AGMO: variants seen among roughly 807,000 people sequenced by gnomAD.
AGMO encodes glyceryl-ether monooxygenase.
AGMO carries 75 observed loss-of-function variants against 60.2 expected under a neutral mutation model. That is an observed-to-expected ratio of 1.25 (90% CI 1.03 to 1.51). The LOEUF is 1.51. Ranked by LOEUF, AGMO falls within the 40% of genes most tolerant of loss-of-function variation. The pLI, the probability that AGMO is intolerant of heterozygous loss-of-function variation, is 0.00. For synonymous variants in AGMO, 261 were observed against 177.1 expected (o/e 1.47, Z -3.76); for missense variants, 763 against 525.5 (o/e 1.45, Z -4.42).
the AGMO span, among the ~76,000 whole-genome samples, chr7:15,142,522 C>A: frequency 7.9e-5 from 12 of 152,282 alleles, no homozygotes; most frequent in African/African-American, 2.6e-4. Context: ...TTCTTCTAAA[C>A]TTTACCTTTG....
intron 12 of AGMO, among the ~76,000 whole-genome samples, chr7:15,272,106 T>C (rs933918919): frequency 2.0e-5 from 3 of 152,042 alleles, no homozygotes; most frequent in East Asian, 1.9e-4. Context: ...TTTTTGCATA[T>C]ATGTTTATCA....
At chr7:15,535,606 G>A (rs574261567) in intron 3 of AGMO, among the ~76,000 whole-genome samples, 106 of 151,710 alleles carry the variant, frequency 7.0e-4, no homozygotes, top group Admixed American at 1.2e-3. Context: ...TTCTTCCCTC[G>A]TTAGGATGTA....
At chr7:15,490,071 C>G (rs1019568355) in intron 3 of AGMO, among the ~76,000 whole-genome samples, 1 of 152,112 alleles carries the variant, frequency 6.6e-6, no homozygotes, top group African/African-American at 2.4e-5. Flanking sequence ...GATATTATAA[C>G]AAAATCTTGG....
intron 4 of AGMO, among the ~76,000 whole-genome samples, chr7:15,421,305 C>T (rs1255767959): frequency 1.3e-5 from 2 of 152,020 alleles, no homozygotes; most frequent in East Asian, 3.9e-4. Context: ...ATCAGCGAGT[C>T]TTCGGTATGT....
At chr7:15,220,438 C>T (rs938521132) in intron 12 of AGMO, among the ~76,000 whole-genome samples, 10 of 151,398 alleles carry the variant, frequency 6.6e-5, no homozygotes, top group South Asian at 2.1e-4. Flanking sequence ...AGGTTGATCT[C>T]GAACTCTGAG....
chr7:15,227,393 A>G (rs893522581), intron 12 of AGMO, among the ~76,000 whole-genome samples: 5 of 152,022 alleles, frequency 3.3e-5, no homozygotes, highest in African/African-American at 1.2e-4. Context: ...ATAAATACTG[A>G]AACTGTGCCC....
chr7:15,321,596 A>G (rs185834386), intron 12 of AGMO, among the ~76,000 whole-genome samples: 1 of 152,266 alleles, frequency 6.6e-6, no homozygotes, highest in Admixed American at 6.5e-5. Flanking sequence ...AGATAAGACA[A>G]TTTGCTTAAA....
At chr7:15,259,881 C>A (rs1216116568) in intron 12 of AGMO, among the ~76,000 whole-genome samples, 3 of 98,792 alleles carry the variant, frequency 3.0e-5, no homozygotes, top group African/African-American at 1.2e-4. Flanking sequence ...AACTACCAAG[C>A]CAGCACTACA....
intron 12 of AGMO, among the ~76,000 whole-genome samples, chr7:15,345,739 TTA>T (rs1563099640): frequency 1.3e-5 from 2 of 152,172 alleles, no homozygotes; most frequent in East Asian, 3.8e-4. Context: ...GGAGTCAACA[TTA>T]TTATCTGCAG....
Position 15,394,107 on chromosome 7 carries a change from C to T in AGMO, c.676+6G>A, listed in dbSNP as rs746265175. On this transcript the variant is annotated splice_donor_region_variant and intron_variant, in intron 6 of 12. Coordinates refer to ENST00000342526, the MANE Select transcript of AGMO (RefSeq NM_001004320.2). ...AGAAAAGAGAGAAGAAACAAAACTT[C>T]CTTACCATGATGAACCCTATGATGG... is the stretch of plus-strand genomic sequence containing the variant. 29 of 1,604,530 alleles carry T rather than the reference C, an allele frequency of 1.8e-5. 1 individual carries two copies. The South Asian group carries it at 2.7e-4, about 15-fold the overall frequency.
At chr7:15,560,328 C>T (rs1583692762) in intron 1 of AGMO, 57 bp from the exon 2 acceptor site, 4 of 1,560,418 alleles carry the variant, frequency 2.6e-6, no homozygotes, top group East Asian at 2.3e-5. Flanking sequence ...AATTATTTTA[C>T]ATTTCCTGAT....
intron 3 of AGMO, among the ~76,000 whole-genome samples, chr7:15,455,492 G>T (rs1355757503): frequency 6.6e-6 from 1 of 151,996 alleles, no homozygotes; most frequent in African/African-American, 2.4e-5. Flanking sequence ...ATCAATTGGA[G>T]GTTTCTTTAA....
intron 12 of AGMO, among the ~76,000 whole-genome samples, chr7:15,335,759 A>C (rs1250733659): frequency 6.6e-6 from 1 of 152,196 alleles, no homozygotes; most frequent in African/African-American, 2.4e-5. Context: ...TATAACTTAG[A>C]TAACACGGTA....
chr7:15,312,888 C>G (rs1780808526), intron 12 of AGMO, among the ~76,000 whole-genome samples: 2 of 151,998 alleles, frequency 1.3e-5, no homozygotes, highest in South Asian at 4.1e-4. Context: ...AGGATGGTCT[C>G]AAACTCCCGA....
downstream of AGMO, among the ~76,000 whole-genome samples, chr7:15,195,521 G>C (rs73054507): frequency 8.5e-5 from 13 of 152,194 alleles, no homozygotes; most frequent in Non-Finnish European, 1.6e-4. Context: ...ATGCAAATGG[G>C]TTTTGTACTT....
chr7:15,256,387 GGCTGGAGTACGGTGGC>G lies in AGMO; in HGVS notation c.1264-55044_1264-55029del, dbSNP rs1223534098. On this transcript the variant is annotated intron_variant, in intron 12 of 12. Coordinates refer to ENST00000342526, the MANE Select transcript of AGMO (RefSeq NM_001004320.2). ...AGACGGAGTCTCGCTCTGTCGCCCAGGCTGGAGTACGGTGGCGCAATCTCGGCTCACTGCAAGCTCC... is the reference window on the plus strand; with the variant it reads ...AGACGGAGTCTCGCTCTGTCGCCCAGGCAATCTCGGCTCACTGCAAGCTCC... Among the ~76,000 whole-genome samples, 7 of 152,140 alleles carry G rather than the reference GGCTGGAGTACGGTGGC, an allele frequency of 4.6e-5. 1 individual carries two copies. Among genetic ancestry groups the G allele is most frequent in the Non-Finnish European group, 5.9e-5 (4 of 68,002 alleles).
chr7:15,480,928 G>C (rs1040685369), intron 3 of AGMO, among the ~76,000 whole-genome samples: 2 of 141,954 alleles, frequency 1.4e-5, no homozygotes, highest in Admixed American at 1.3e-4. Context: ...GCATCAGAGA[G>C]AAATAAAAGC....
At chr7:15,280,672 G>C (rs1191645589) in intron 12 of AGMO, among the ~76,000 whole-genome samples, 1 of 152,194 alleles carries the variant, frequency 6.6e-6, no homozygotes, top group Admixed American at 6.5e-5. Flanking sequence ...TTGGCTGGAG[G>C]CCAACCAACA....
At chr7:15,513,367 A>T (rs1023578962) in intron 3 of AGMO, among the ~76,000 whole-genome samples, 1 of 152,056 alleles carries the variant, frequency 6.6e-6, no homozygotes, top group Non-Finnish European at 1.5e-5. Context: ...CTGGTGTTTG[A>T]TTTACAAACT....
Sources: allele counts gnomAD v4.1 joint callset (sites outside exome capture counted in the v4.1 genomes callset), GRCh38; gene constraint gnomAD v4.1.1; transcripts MANE v1.5; gene names NCBI Gene and HGNC (gene_info 2026-07-23, HGNC 2026-07-21).